The following ERC2 variants were observed in gnomAD, a reference collection of about 807,000 sequenced individuals.
ERC2 encodes the protein ELKS/RAB6-interacting/CAST family member 2.
A neutral mutation model predicts 114.8 loss-of-function variants in ERC2; 42 were observed. That is an observed-to-expected ratio of 0.37 (90% CI 0.29 to 0.47). The LOEUF (loss-of-function observed/expected upper bound fraction) is 0.47, where lower values mean the gene tolerates loss of function less well. Ranked by LOEUF, ERC2 falls within the 20% of genes least tolerant of loss-of-function variation. ERC2 has a pLI of 0.99. For missense variants in ERC2, 939 were observed against 1,150.7 expected, an observed-to-expected ratio of 0.82 and a Z score of 2.66; for synonymous variants, 454 against 425.5, an observed-to-expected ratio of 1.07 and a Z score of -0.82.
At chr3:55,898,690 G>T (rs937679431) in intron 13 of ERC2, among the ~76,000 whole-genome samples, 4 of 152,032 alleles carry the variant, frequency 2.6e-5, no homozygotes, top group Admixed American at 6.5e-5. Context: ...ATAAGAGGAT[G>T]CATAAGCAAG....
intron 14 of ERC2, among the ~76,000 whole-genome samples, chr3:55,768,009 G>A (rs1034450014): frequency 6.6e-6 from 1 of 152,116 alleles, no homozygotes; most frequent in Non-Finnish European, 1.5e-5. Context: ...GTTCTCACAA[G>A]ATCTGGTTGT....
At chr3:55,955,248 TTGTGTGTGTGTGTGTGTGTG>T (rs60633794) in intron 12 of ERC2, 11 of 360,790 alleles carry the variant, frequency 3.0e-5, no homozygotes, top group South Asian at 4.4e-5. Context: ...GGTGGTGTGT[TTGTGTGTGTGTGTGTGTGTG>T]TGTGTGTGTG....
At chr3:55,907,589 C>T (rs919377911) in intron 13 of ERC2, among the ~76,000 whole-genome samples, 16 of 152,306 alleles carry the variant, frequency 1.1e-4, no homozygotes, top group Admixed American at 8.5e-4. Flanking sequence ...GAAGGGCATT[C>T]CTGCCCACCC....
intron 2 of ERC2, among the ~76,000 whole-genome samples, chr3:56,327,634 C>T (rs2057423743): frequency 6.6e-6 from 1 of 152,110 alleles, no homozygotes; most frequent in Non-Finnish European, 1.5e-5. Context: ...TGAGATCATA[C>T]CACTGCACTC....
intron 7 of ERC2, among the ~76,000 whole-genome samples, chr3:56,040,741 T>G (rs974979685): frequency 5.6e-5 from 8 of 143,168 alleles, no homozygotes; most frequent in African/African-American, 1.0e-4. Flanking sequence ...TCTCTATATA[T>G]ATAGAGAGAG....
At chr3:55,969,018 G>A (rs558736790) in intron 12 of ERC2, among the ~76,000 whole-genome samples, 1 of 151,940 alleles carries the variant, frequency 6.6e-6, no homozygotes, top group Non-Finnish European at 1.5e-5. Flanking sequence ...CAAGATAACT[G>A]TTTCCCCAGT....
chr3:56,346,171 A>T (rs534042332), intron 2 of ERC2, among the ~76,000 whole-genome samples: 8 of 152,216 alleles, frequency 5.3e-5, no homozygotes, highest in Non-Finnish European at 1.0e-4. Flanking sequence ...ACTTTGAATA[A>T]AAAGGACACG....
At chr3:56,387,920 T>A (rs2059992681) in intron 2 of ERC2, among the ~76,000 whole-genome samples, 2 of 152,178 alleles carry the variant, frequency 1.3e-5, no homozygotes, top group Non-Finnish European at 2.9e-5. Flanking sequence ...AAAGTTAAAA[T>A]TAACAGATAA....
chr3:56,299,999 A>C (rs554927980), intron 2 of ERC2, among the ~76,000 whole-genome samples: 1 of 152,328 alleles, frequency 6.6e-6, no homozygotes, highest in Non-Finnish European at 1.5e-5. Flanking sequence ...GCCCCTTTGA[A>C]TGGACACATT....
chr3:56,193,443 G>A (rs2047912251), intron 3 of ERC2, among the ~76,000 whole-genome samples: 1 of 151,698 alleles, frequency 6.6e-6, no homozygotes, highest in African/African-American at 2.4e-5. Flanking sequence ...AGAGGCAGAG[G>A]TTGCAGTGAG....
intron 6 of ERC2, among the ~76,000 whole-genome samples, chr3:56,126,622 G>A (rs2079878767): frequency 6.6e-6 from 1 of 152,074 alleles, no homozygotes; most frequent in African/African-American, 2.4e-5. Flanking sequence ...GTTGGGTGTG[G>A]TGGTATGTAG....
chr3:56,426,858 G>A (rs566260841), intron 2 of ERC2, among the ~76,000 whole-genome samples: 2 of 152,114 alleles, frequency 1.3e-5, no homozygotes, highest in South Asian at 2.1e-4. Context: ...TGCCTAATAC[G>A]TAGGTGCTTA....
chr3:55,702,390 C>T (rs1254870066), intron 15 of ERC2, among the ~76,000 whole-genome samples: 1 of 152,176 alleles, frequency 6.6e-6, no homozygotes, highest in Non-Finnish European at 1.5e-5. Flanking sequence ...TGGTCTGATA[C>T]TCTAGACCGT....
chr3:55,641,176 G>A (rs2060164663), intron 17 of ERC2, among the ~76,000 whole-genome samples: 1 of 152,154 alleles, frequency 6.6e-6, no homozygotes, highest in Non-Finnish European at 1.5e-5. Flanking sequence ...GATGGTGAAA[G>A]ACAGAGACCC....
chr3:56,429,840 G>T (rs1576923368), intron 2 of ERC2, among the ~76,000 whole-genome samples: 1 of 152,070 alleles, frequency 6.6e-6, no homozygotes, highest in African/African-American at 2.4e-5. Flanking sequence ...GTTCCAAATA[G>T]TCCTGCACTC....
chr3:56,038,058 C>T (rs958149979), intron 7 of ERC2, among the ~76,000 whole-genome samples: 1 of 152,016 alleles, frequency 6.6e-6, no homozygotes. Context: ...AAAGCAATTG[C>T]AACAAAAGCA....
At chr3:55,741,951 C>T (rs2065985293) in intron 14 of ERC2, among the ~76,000 whole-genome samples, 1 of 152,040 alleles carries the variant, frequency 6.6e-6, no homozygotes, top group African/African-American at 2.4e-5. Flanking sequence ...AAATTCTGTG[C>T]CCTGTCATAC....
At chr3:55,935,922 A>G (rs1484493034) in intron 13 of ERC2, among the ~76,000 whole-genome samples, 4 of 152,262 alleles carry the variant, frequency 2.6e-5, no homozygotes, top group African/African-American at 9.6e-5. Flanking sequence ...TGCCTCTTGC[A>G]GAAAATCTCT....
chr3:55,530,617 C>G (rs1221344202), intron 17 of ERC2, among the ~76,000 whole-genome samples: 1 of 152,212 alleles, frequency 6.6e-6, no homozygotes, highest in Non-Finnish European at 1.5e-5. Context: ...GCGAGAACCT[C>G]CTTTTCAGCT....
Sources: allele counts gnomAD v4.1 joint callset (sites outside exome capture counted in the v4.1 genomes callset), GRCh38; gene constraint gnomAD v4.1.1; transcripts MANE v1.5; gene names NCBI Gene and HGNC (gene_info 2026-07-23, HGNC 2026-07-21).